The following LPIN2 variants were observed in gnomAD, a reference collection of about 807,000 sequenced individuals.
LPIN2 encodes the protein phosphatidate phosphatase LPIN2.
LPIN2 carries 55 observed loss-of-function variants against 111.4 expected under a neutral mutation model. The observed-to-expected ratio is 0.49, with a 90% CI of 0.40 to 0.62. LPIN2 has a LOEUF of 0.62. Among genes scored for constraint, LPIN2 ranks in the 20% least tolerant of loss-of-function variants. The pLI is 0.00. For missense variants in LPIN2, 992 were observed against 1,112.1 expected, an observed-to-expected ratio of 0.89 and a Z score of 1.54; for synonymous variants, 425 against 414.0, an observed-to-expected ratio of 1.03 and a Z score of -0.32.
chr18:2,928,174 G>A (rs1294988266), intron 11 of LPIN2, among the ~76,000 whole-genome samples: 1 of 152,216 alleles, frequency 6.6e-6, no homozygotes, highest in Non-Finnish European at 1.5e-5. Context: ...TTGTGAGTTT[G>A]TATATAACAG....
At position 2,917,472 on chromosome 18, in the gene LPIN2, T is replaced by G. The variant is rs1354198962; in HGVS notation, c.*2821A>C. 1 of 152,252 alleles carries G rather than the reference T, an allele frequency of 6.6e-6. No homozygotes were observed. The highest frequency in any genetic ancestry group is 2.4e-5 in the African/African-American group (1 of 41,458). The allele number at this position is 152,252 out of a possible 1,614,324, so 9.4% of individuals were successfully genotyped here. A position where few individuals can be genotyped will look rare whatever the true frequency, so the allele number is the denominator to read the frequency against. On this transcript the variant is annotated 3_prime_UTR_variant, in exon 20 of 20. Transcript: ENST00000677752. ...TGCAGTGCCAACTGTGGAAGGGCTG[T>G]GTGCAGGCCCCACAGTTGCAGGGGC...
intron 1 of LPIN2, among the ~76,000 whole-genome samples, chr18:3,004,371 G>T (rs1037928049): frequency 2.6e-5 from 4 of 152,078 alleles, no homozygotes; most frequent in Non-Finnish European, 4.4e-5. Flanking sequence ...ACCCCCAGAG[G>T]CCCAGCTGTG....
intron 4 of LPIN2, among the ~76,000 whole-genome samples, chr18:2,947,752 A>G (rs1032247183): frequency 3.9e-5 from 6 of 152,244 alleles, no homozygotes; most frequent in South Asian, 2.1e-4. Flanking sequence ...ATGCTATAGG[A>G]AAGCTGCAAA....
At chr18:2,946,518 T>C (rs2143058462) in intron 4 of LPIN2, 1 of 1,563,674 alleles carries the variant, frequency 6.4e-7, no homozygotes, top group Non-Finnish European at 8.8e-7. Context: ...CAGCTCCGGT[T>C]GTAGCACAGC....
intron 4 of LPIN2, chr18:2,950,227 T>C (rs901237782): frequency 5.3e-5 from 8 of 152,370 alleles, no homozygotes; most frequent in African/African-American, 9.6e-5. Context: ...TTGGTTTCCA[T>C]AGCTAGTGAA....
At chr18:2,923,616 C>G (rs1026570328) in intron 16 of LPIN2, among the ~76,000 whole-genome samples, 159 bp downstream of exon 16, 2 of 152,060 alleles carry the variant, frequency 1.3e-5, no homozygotes, top group Non-Finnish European at 2.9e-5. Context: ...CAGGTGCACA[C>G]GGCTCCCACA....
intron 9 of LPIN2, among the ~76,000 whole-genome samples, chr18:2,929,384 C>T (rs1468905032): frequency 6.6e-6 from 1 of 152,036 alleles, no homozygotes; most frequent in Non-Finnish European, 1.5e-5. Context: ...TGAAAACAAA[C>T]AAACTAGTAA....
rs1016108248 is a variant in LPIN2 at position 2,932,224 on chromosome 18, C to T, written c.1269-781G>A. ...AGTCCCCAATGCTTACTACTCTATA[C>T]CCTTTGAATAGGTATTTAATGTCAC... On this transcript the variant is annotated intron_variant, in intron 8 of 19. Coordinates refer to ENST00000677752, the MANE Select transcript of LPIN2 (RefSeq NM_001375808.2). 3.3e-5 allele frequency among the ~76,000 whole-genome samples: 5 copies of T among 152,108 alleles called. No homozygotes were observed. In the East Asian group the frequency reaches 7.7e-4, roughly 23 times the overall value.
At chr18:2,999,207 A>C (rs1390537992) in intron 1 of LPIN2, among the ~76,000 whole-genome samples, 3 of 152,190 alleles carry the variant, frequency 2.0e-5, no homozygotes, top group Admixed American at 6.5e-5. Context: ...TCAGAATGTG[A>C]CCTTATTTGG....
intron 1 of LPIN2, chr18:2,990,987 C>T (rs925216969): frequency 7.0e-6 from 4 of 568,658 alleles, no homozygotes; most frequent in Non-Finnish European, 1.0e-5. Flanking sequence ...CCATGGGAGG[C>T]CACATGCCAA....
chr18:2,947,678 T>G (rs373264155), intron 4 of LPIN2, among the ~76,000 whole-genome samples: 35 of 152,184 alleles, frequency 2.3e-4, no homozygotes, highest in Non-Finnish European at 1.3e-4. Flanking sequence ...CAGAAACCTA[T>G]TTTATGCATT....
intron 1 of LPIN2, among the ~76,000 whole-genome samples, chr18:3,012,420 G>A (rs971070999): frequency 3.9e-5 from 6 of 152,234 alleles, no homozygotes; most frequent in Non-Finnish European, 7.3e-5. Flanking sequence ...GCTGGCGTTA[G>A]AAGTGGACAG....
intron 1 of LPIN2, among the ~76,000 whole-genome samples, chr18:2,990,181 G>T (rs1029147485): frequency 6.6e-6 from 1 of 152,076 alleles, no homozygotes; most frequent in Non-Finnish European, 1.5e-5. Flanking sequence ...ACTCAAAATG[G>T]ATTAATGACC....
chr18:2,937,333 C>T (rs1186296223), intron 7 of LPIN2, among the ~76,000 whole-genome samples: 1 of 152,040 alleles, frequency 6.6e-6, no homozygotes, highest in Non-Finnish European at 1.5e-5. Context: ...CACCTGAGGT[C>T]AGGAGTTTGA....
At chr18:2,959,861 C>T (rs1374431948) in intron 2 of LPIN2, among the ~76,000 whole-genome samples, 1 of 151,764 alleles carries the variant, frequency 6.6e-6, no homozygotes, top group Non-Finnish European at 1.5e-5. Context: ...TAATTAATTT[C>T]CTTTAAAAAA....
At chr18:2,965,445 T>C (rs1445503950) in intron 1 of LPIN2, among the ~76,000 whole-genome samples, 1 of 152,082 alleles carries the variant, frequency 6.6e-6, no homozygotes, top group Non-Finnish European at 1.5e-5. Context: ...ATAAATAAAA[T>C]GGGCCAGGCG....
intron 2 of LPIN2, among the ~76,000 whole-genome samples, chr18:2,955,549 A>T (rs1285297421): frequency 1.3e-5 from 2 of 152,212 alleles, no homozygotes; most frequent in African/African-American, 4.8e-5. Flanking sequence ...ACTGGAGTTC[A>T]CATTTCAACA....
At chr18:2,943,511 T>C (rs982934363) in intron 4 of LPIN2, among the ~76,000 whole-genome samples, 2 of 152,118 alleles carry the variant, frequency 1.3e-5, no homozygotes, top group Admixed American at 6.5e-5. Flanking sequence ...AATAACTCAC[T>C]GCTTCAAATA....
intron 1 of LPIN2, among the ~76,000 whole-genome samples, chr18:2,965,130 C>T (rs2077774806): frequency 6.6e-6 from 1 of 150,640 alleles, no homozygotes; most frequent in Admixed American, 6.6e-5. Context: ...ATTGATTACT[C>T]AAATAAAAAA....
Sources: gnomAD v4.1 joint callset for allele counts (sites outside exome capture counted in the v4.1 genomes callset) on GRCh38, gnomAD v4.1.1 for gene constraint, MANE v1.5 for transcripts, NCBI Gene and HGNC (gene_info 2026-07-23, HGNC 2026-07-21) for gene names.